Variants in SLC13A3 observed in about 807,000 individuals in gnomAD.
The protein encoded by SLC13A3 is solute carrier family 13 member 3.
A neutral mutation model predicts 59.0 loss-of-function variants in SLC13A3; 40 were observed. The observed-to-expected ratio is 0.68, with a 90% confidence interval of 0.53 to 0.88. The LOEUF is 0.88. Among genes scored for constraint, SLC13A3 ranks in the 40% least tolerant of loss-of-function variants. The probability of loss-of-function intolerance (pLI) is 0.00; values close to 1 mark genes in which losing one functional copy is unlikely to be tolerated. For synonymous variants in SLC13A3, 317 were observed against 330.3 expected (o/e 0.96, Z 0.44); for missense variants, 699 against 783.2 (o/e 0.89, Z 1.28).
At chr20:46,654,631 G>A (rs2062971739), upstream of SLC13A3, among the ~76,000 whole-genome samples, 1 of 152,150 alleles carries the variant, frequency 6.6e-6, no homozygotes, top group Non-Finnish European at 1.5e-5. Context: ...CCAGGTTCAA[G>A]TGATTCTCCT....
upstream of SLC13A3, among the ~76,000 whole-genome samples, chr20:46,652,280 G>T (rs567484924): frequency 6.6e-6 from 1 of 152,352 alleles, no homozygotes; most frequent in East Asian, 1.9e-4. Flanking sequence ...CAAGAAGGTT[G>T]TTAGGAAGTT....
chr20:46,577,043 GCCCACA>G, intron 9 of SLC13A3, among the ~76,000 whole-genome samples: 1 of 144,290 alleles, frequency 6.9e-6, no homozygotes, highest in African/African-American at 2.6e-5. Flanking sequence ...GGTGTATGAA[GCCCACA>G]GGTGTATGCA....
In SLC13A3 at chr20:46,563,358, C is replaced by A. The variant is rs1417962203; in HGVS notation, c.1632+56G>T. Reference sequence around the variant, plus strand: ...GAGTCCTGCATAGAGGCCTTGCCCGCCCCCTTGCGGCCCACCCACATCCCG... The same window carrying A: ...GAGTCCTGCATAGAGGCCTTGCCCGACCCCTTGCGGCCCACCCACATCCCG... On this transcript the variant is annotated intron_variant, in intron 12 of 12. Transcript: ENST00000279027. 11 of 1,580,862 alleles carry A rather than the reference C, an allele frequency of 7.0e-6. No individual in the cohort carries two copies. The East Asian group carries it at 2.0e-4, about 29-fold the overall frequency.
chr20:46,574,157 T>C (rs2062052621), intron 10 of SLC13A3, among the ~76,000 whole-genome samples: 1 of 152,192 alleles, frequency 6.6e-6, no homozygotes, highest in Admixed American at 6.5e-5. Flanking sequence ...TTTATAAAGA[T>C]CGACTGAGTC....
chr20:46,615,861 C>A (rs2062549289), intron 1 of SLC13A3, among the ~76,000 whole-genome samples: 1 of 152,136 alleles, frequency 6.6e-6, no homozygotes, highest in South Asian at 2.1e-4. Flanking sequence ...TTCTGTACAG[C>A]ACATCCTATT....
At chr20:46,612,405 A>G (rs2062508412) in intron 2 of SLC13A3, among the ~76,000 whole-genome samples, 1 of 152,044 alleles carries the variant, frequency 6.6e-6, no homozygotes, top group African/African-American at 2.4e-5. Context: ...AAGTGCTGGG[A>G]TTACAGGCTG....
chr20:46,638,404 G>C (rs2062814893), intron 1 of SLC13A3, among the ~76,000 whole-genome samples: 3 of 152,244 alleles, frequency 2.0e-5, no homozygotes, highest in Admixed American at 2.0e-4. Context: ...AGGAGGCATG[G>C]TAAAACCCAG....
chr20:46,678,174 C>G (rs547509617), intron 1 of SLC13A3, among the ~76,000 whole-genome samples: 1 of 152,226 alleles, frequency 6.6e-6, no homozygotes, highest in East Asian at 1.9e-4. Context: ...TTTGGCCAGG[C>G]CTTGAATAGG....
chr20:46,629,184 A>G (rs548228456), intron 1 of SLC13A3, among the ~76,000 whole-genome samples: 2 of 152,372 alleles, frequency 1.3e-5, no homozygotes, highest in South Asian at 4.1e-4. Flanking sequence ...CTCTGAATAC[A>G]CAAGTGATAT....
chr20:46,651,936 G>A (rs565981413), upstream of SLC13A3, among the ~76,000 whole-genome samples: 5 of 152,216 alleles, frequency 3.3e-5, no homozygotes, highest in African/African-American at 9.6e-5. Flanking sequence ...TGTTTTTTGC[G>A]GGAACATGGA....
rs769949384 is a variant in SLC13A3, at chr20:46,558,347, C to G, written c.*1675G>C. 2.0e-5 allele frequency: 3 copies of G among 152,246 alleles called. No homozygotes were observed. Among genetic ancestry groups the G allele is most frequent in the African/African-American group, 2.4e-5 (1 of 41,468 alleles). The allele number at this position is 152,246 out of a possible 1,614,324, so 9.4% of individuals were successfully genotyped here. A position where few individuals can be genotyped will look rare whatever the true frequency, so the allele number is the denominator to read the frequency against. On this transcript the variant is annotated 3_prime_UTR_variant, in exon 13 of 13. Transcript: ENST00000279027. ...CAGTAGAAAATCAGAGAGGTCAACT[C>G]TGTGGAATCCCCAGCCCAGGAATTT...
chr20:46,585,327 A>G lies in SLC13A3; in HGVS notation c.1122-1658T>C. On this transcript the variant is annotated intron_variant, in intron 8 of 12. Transcript: ENST00000279027. ...ATGATCTCTGGGCAGTGGGACATAA[A>G]GTGGATAAAGAGCCACTAACTTTTC... 6 of 998,570 alleles carry G rather than the reference A, an allele frequency of 6.0e-6. No individual in the cohort carries two copies. The South Asian group carries it at 2.6e-4, about 44-fold the overall frequency. The allele number at this position is 998,570 out of a possible 1,614,324, so 61.9% of individuals were successfully genotyped here.
At chr20:46,603,987 T>C (rs529542048) in intron 3 of SLC13A3, among the ~76,000 whole-genome samples, 117 of 134,438 alleles carry the variant, frequency 8.7e-4, no homozygotes, top group African/African-American at 3.1e-3. Context: ...CAAGACGCCA[T>C]CTCAAAAAAA....
At chr20:46,599,900 G>A in intron 4 of SLC13A3, 71 bp downstream of exon 4, 2 of 1,213,440 alleles carry the variant, frequency 1.6e-6, no homozygotes, top group Non-Finnish European at 2.3e-6. Flanking sequence ...ATGGTTTGCA[G>A]CATTGAATTC....
chr20:46,583,822 C>T lies in SLC13A3; in HGVS notation c.1122-153G>A, dbSNP rs1001584995. ...GGCCACTGGATTCTGTCCTTCAGTG[C>T]GCTCAGCATGGTGCAAAGCTCTTCA... is the stretch of plus-strand genomic sequence containing the variant. On this transcript the variant is annotated intron_variant, in intron 8 of 12. Coordinates refer to ENST00000279027, the MANE Select transcript of SLC13A3 (RefSeq NM_022829.6). 2.1e-5 allele frequency: 21 copies of T among 985,362 alleles called. 1 individual carries two copies. Among genetic ancestry groups the T allele is most frequent in the Middle Eastern group, 5.2e-4 (1 of 1,914 alleles). The allele number at this position is 985,362 out of a possible 1,614,324, so 61.0% of individuals were successfully genotyped here. A position where few individuals can be genotyped will look rare whatever the true frequency, so the allele number is the denominator to read the frequency against.
Position 46,596,136 on chromosome 20 carries a change from G to A in SLC13A3, c.794+21C>T, listed in dbSNP as rs377710661. The A allele has an allele frequency of 1.2e-5, 20 of 1,608,374 alleles. 1 individual carries two copies. Among genetic ancestry groups the A allele is most frequent in the Middle Eastern group, 2.0e-4 (1 of 5,014 alleles). On this transcript the variant is annotated intron_variant, in intron 5 of 12. Coordinates refer to ENST00000279027, the MANE Select transcript of SLC13A3 (RefSeq NM_022829.6). ...GGGGAGGAGCAGAACCCTCCCCGCC[G>A]GTGGGGACTCTCGCTTTCACCTCTT...
At chr20:46,642,092 G>C (rs574480842) in intron 1 of SLC13A3, among the ~76,000 whole-genome samples, 1 of 152,348 alleles carries the variant, frequency 6.6e-6, no homozygotes, top group Non-Finnish European at 1.5e-5. Context: ...CCTCCCGACA[G>C]ACCCTGCTGC....
intron 1 of SLC13A3, among the ~76,000 whole-genome samples, chr20:46,623,960 A>C (rs2062641997): frequency 6.6e-6 from 1 of 152,178 alleles, no homozygotes; most frequent in Non-Finnish European, 1.5e-5. Flanking sequence ...GTATTTCTGC[A>C]CAATCCGTGG....
chr20:46,575,023 C>G (rs2062061327), intron 10 of SLC13A3, among the ~76,000 whole-genome samples: 1 of 151,824 alleles, frequency 6.6e-6, no homozygotes, highest in Non-Finnish European at 1.5e-5. Context: ...TCCCTGCAGT[C>G]CCAGCTACTT....
Sources: allele counts gnomAD v4.1 joint callset (sites outside exome capture counted in the v4.1 genomes callset), GRCh38; gene constraint gnomAD v4.1.1; transcripts MANE v1.5; gene names NCBI Gene and HGNC (gene_info 2026-07-23, HGNC 2026-07-21).